ITGB5: variants seen among roughly 807,000 people sequenced by gnomAD.
ITGB5 encodes the protein integrin subunit beta 5.
A neutral mutation model predicts 84.8 loss-of-function variants in ITGB5; 38 were observed. The ratio of observed to expected loss-of-function variants is 0.45; its 90% CI spans 0.35 to 0.59. The LOEUF is 0.59. Ranked by LOEUF, ITGB5 falls within the 20% of genes least tolerant of loss-of-function variation. The pLI, the probability that ITGB5 is intolerant of heterozygous loss-of-function variation, is 0.01. For missense variants in ITGB5, 905 were observed against 1,034.5 expected (o/e 0.87, Z 1.72); for synonymous variants, 393 against 414.4 (o/e 0.95, Z 0.63).
intron 9 of ITGB5, among the ~76,000 whole-genome samples, chr3:124,803,835 AG>A (rs1202805854): frequency 1.3e-5 from 2 of 152,338 alleles, no homozygotes; most frequent in East Asian, 3.9e-4. Context: ...AAAGGTGGTG[AG>A]GGAGCTGGCT....
intron 1 of ITGB5, among the ~76,000 whole-genome samples, chr3:124,899,070 T>G (rs1935169383): frequency 1.3e-5 from 2 of 149,482 alleles, no homozygotes; most frequent in Admixed American, 1.3e-4. Flanking sequence ...AGTGAGACTC[T>G]GTCTCAAAAA....
At chr3:124,770,610 C>CTTTA (rs2063827681) in intron 11 of ITGB5, among the ~76,000 whole-genome samples, 1 of 152,146 alleles carries the variant, frequency 6.6e-6, no homozygotes. Context: ...ACTAAGTCCC[C>CTTTA]TTTATTTTAC....
At chr3:124,822,877 C>T (rs1174048953) in intron 5 of ITGB5, among the ~76,000 whole-genome samples, 1 of 152,164 alleles carries the variant, frequency 6.6e-6, no homozygotes, top group Non-Finnish European at 1.5e-5. Flanking sequence ...AAGTCCAATG[C>T]TAATGGAAGC....
intron 2 of ITGB5, among the ~76,000 whole-genome samples, chr3:124,860,456 G>A (rs757839495): frequency 7.2e-5 from 11 of 152,154 alleles, no homozygotes; most frequent in Non-Finnish European, 1.2e-4. Context: ...GTATGATAAC[G>A]ACACATTGAT....
At chr3:124,875,546 T>C (rs1307649429) in intron 1 of ITGB5, among the ~76,000 whole-genome samples, 1 of 150,550 alleles carries the variant, frequency 6.6e-6, no homozygotes, top group Non-Finnish European at 1.5e-5. Flanking sequence ...CCAGGGAAAC[T>C]CTGTACACTG....
At position 124,848,335 on chromosome 3, in the gene ITGB5, C is replaced by T. The variant is rs767151489; in HGVS notation, c.585G>A (p.Pro195=). 19 of 1,614,132 alleles carry T rather than the reference C, an allele frequency of 1.2e-5. No individual in the cohort carries two copies. Among genetic ancestry groups the T allele is most frequent in the South Asian group, 3.3e-5 (3 of 91,062 alleles). ...CAATGCACGGATTGGTCTGGTACCT[C>T]GGTGCCGTGTAGGAGAAAGGAGAGA... ...KDISPFSYTA[P]RYQTNPCIGY... is the part of the protein sequence containing the mutation. The change falls in exon 4 of 15, where the codon CCG becomes CCA. Residue 195 remains proline, a synonymous_variant. Transcript: ENST00000296181.
At chr3:124,804,018 A>G (rs931053147) in intron 9 of ITGB5, among the ~76,000 whole-genome samples, 15 of 152,192 alleles carry the variant, frequency 9.9e-5, no homozygotes, top group Non-Finnish European at 2.2e-4. Context: ...GTCCTTCCCA[A>G]GACTAACTGT....
intron 2 of ITGB5, among the ~76,000 whole-genome samples, chr3:124,870,949 G>A (rs1489228334): frequency 6.6e-6 from 1 of 152,068 alleles, no homozygotes; most frequent in Admixed American, 6.6e-5. Context: ...GGAGTGCAGT[G>A]GCACAATCTT....
intron 8 of ITGB5, among the ~76,000 whole-genome samples, chr3:124,811,498 G>A (rs978689146): frequency 6.6e-6 from 1 of 152,056 alleles, no homozygotes; most frequent in Non-Finnish European, 1.5e-5. Flanking sequence ...AAATATGGGG[G>A]CCCTGTCGTT....
At chr3:124,798,485 T>C (rs2064267423) in intron 9 of ITGB5, among the ~76,000 whole-genome samples, 1 of 152,164 alleles carries the variant, frequency 6.6e-6, no homozygotes, top group South Asian at 2.1e-4. Context: ...AGTGGCACCA[T>C]CTCGGCTCAC....
chr3:124,832,660 A>G (rs546052566), intron 5 of ITGB5, among the ~76,000 whole-genome samples: 2 of 152,350 alleles, frequency 1.3e-5, no homozygotes, highest in South Asian at 4.1e-4. Context: ...CTACACATAC[A>G]TCAGTCCTAC....
chr3:124,770,482 C>G (rs2063825828), intron 11 of ITGB5, among the ~76,000 whole-genome samples: 1 of 152,202 alleles, frequency 6.6e-6, no homozygotes, highest in African/African-American at 2.4e-5. Context: ...AATGTAGAGC[C>G]TTTATCATCA....
intron 13 of ITGB5, 127 bp downstream of exon 13, chr3:124,766,099 T>A (rs2150921665): frequency 2.3e-5 from 18 of 780,614 alleles, no homozygotes; most frequent in Non-Finnish European, 3.4e-5. Flanking sequence ...ATTGTATCCC[T>A]CCTCTCCCTG....
At chr3:124,808,994 G>A (rs2064454163) in intron 9 of ITGB5, 28 bp downstream of exon 9, 1 of 1,609,704 alleles carries the variant, frequency 6.2e-7, no homozygotes, top group South Asian at 1.1e-5. Flanking sequence ...GCTAACAAGA[G>A]TTCATACAAA....
At chr3:124,764,263 T>G in intron 14 of ITGB5, 128 bp downstream of exon 14, 1 of 955,666 alleles carries the variant, frequency 1.0e-6, no homozygotes, top group Non-Finnish European at 1.5e-6. Context: ...GGCACAGCGT[T>G]TCTGGTGTTG....
chr3:124,855,478 G>C (rs2065211018), intron 3 of ITGB5, among the ~76,000 whole-genome samples: 1 of 152,100 alleles, frequency 6.6e-6, no homozygotes, highest in Non-Finnish European at 1.5e-5. Context: ...AGGTTTGCCT[G>C]TACTTCTCTT....
intron 3 of ITGB5, among the ~76,000 whole-genome samples, chr3:124,856,584 GA>G (rs1425335574): frequency 2.0e-5 from 3 of 152,050 alleles, no homozygotes; most frequent in Non-Finnish European, 4.4e-5. Context: ...ATAAGTATAT[GA>G]AAAATACAAA....
chr3:124,806,450 T>TC (rs1252971186), intron 9 of ITGB5, among the ~76,000 whole-genome samples: 2 of 143,308 alleles, frequency 1.4e-5, no homozygotes, highest in African/African-American at 2.8e-5. Context: ...TTTTTTTTTT[T>TC]TGAGACTGAG....
chr3:124,888,827 G>A (rs376660913), upstream of ITGB5, among the ~76,000 whole-genome samples: 2 of 152,186 alleles, frequency 1.3e-5, no homozygotes, highest in South Asian at 4.1e-4. Flanking sequence ...TGTCCTAACT[G>A]CCCAGCTCAA....
Sources: gnomAD v4.1 joint callset for allele counts (sites outside exome capture counted in the v4.1 genomes callset) on GRCh38, gnomAD v4.1.1 for gene constraint, MANE v1.5 for transcripts, NCBI Gene and HGNC (gene_info 2026-07-23, HGNC 2026-07-21) for gene names.